GRM5: variants seen among roughly 807,000 people sequenced by gnomAD.
GRM5 encodes glutamate metabotropic receptor 5.
Under a neutral mutation model 83.1 loss-of-function variants are expected in GRM5, and 19 were observed. The observed-to-expected ratio is 0.23, with a 90% CI of 0.16 to 0.34. GRM5 has a LOEUF of 0.34. Among genes scored for constraint, GRM5 ranks in the 10% least tolerant of loss-of-function variants. The pLI, the probability that GRM5 is intolerant of heterozygous loss-of-function variation, is 1.00. For missense variants in GRM5, 1,160 were observed against 1,588.3 expected (o/e 0.73, Z 4.58); for synonymous variants, 675 against 633.6 (o/e 1.07, Z -0.98).
chr11:88,679,561 T>A (rs1338566021), intron 3 of GRM5, among the ~76,000 whole-genome samples: 2 of 152,162 alleles, frequency 1.3e-5, no homozygotes, highest in Admixed American at 1.3e-4. Context: ...TATCAGTCTA[T>A]TTGGATTTTA....
intron 2 of GRM5, among the ~76,000 whole-genome samples, chr11:88,970,327 C>T (rs1363574617): frequency 1.3e-5 from 2 of 152,086 alleles, no homozygotes; most frequent in Non-Finnish European, 2.9e-5. Flanking sequence ...ATCCTATGGC[C>T]CCTGCTTCCC....
chr11:88,962,941 T>C (rs1348012051), intron 2 of GRM5, among the ~76,000 whole-genome samples: 4 of 152,078 alleles, frequency 2.6e-5, no homozygotes, highest in Non-Finnish European at 5.9e-5. Context: ...ATACAAAAAT[T>C]AGCCAGGCAT....
intron 3 of GRM5, among the ~76,000 whole-genome samples, chr11:88,828,140 G>A (rs1420542307): frequency 6.6e-6 from 1 of 152,196 alleles, no homozygotes; most frequent in Non-Finnish European, 1.5e-5. Flanking sequence ...TGTGGCTAAA[G>A]TGAATTGGGA....
At chr11:88,721,530 T>C (rs1026252490) in intron 3 of GRM5, among the ~76,000 whole-genome samples, 5 of 152,124 alleles carry the variant, frequency 3.3e-5, no homozygotes, top group Admixed American at 3.3e-4. Flanking sequence ...TTATCTTTCA[T>C]AAGTGACTTT....
chr11:88,752,889 G>A (rs1942310468), intron 3 of GRM5, among the ~76,000 whole-genome samples: 1 of 152,004 alleles, frequency 6.6e-6, no homozygotes, highest in Non-Finnish European at 1.5e-5. Flanking sequence ...GGTGCTCAAA[G>A]AACAGGTTAG....
At chr11:88,915,023 T>A (rs1437774361) in intron 2 of GRM5, among the ~76,000 whole-genome samples, 1 of 152,196 alleles carries the variant, frequency 6.6e-6, no homozygotes, top group Non-Finnish European at 1.5e-5. Context: ...TTAATGGTTT[T>A]GTTAGTAACT....
intron 3 of GRM5, among the ~76,000 whole-genome samples, chr11:88,820,878 C>T (rs1943777793): frequency 6.6e-6 from 1 of 152,122 alleles, no homozygotes; most frequent in African/African-American, 2.4e-5. Flanking sequence ...CTAAAATTTG[C>T]ATAAGCGAAC....
At chr11:88,526,794 G>A (rs1941889263) in intron 8 of GRM5, among the ~76,000 whole-genome samples, 1 of 151,858 alleles carries the variant, frequency 6.6e-6, no homozygotes, top group South Asian at 2.1e-4. Flanking sequence ...ATTACATCAA[G>A]CAAAATGAAT....
intron 3 of GRM5, among the ~76,000 whole-genome samples, chr11:88,675,607 G>A (rs974786529): frequency 4.6e-5 from 7 of 151,922 alleles, no homozygotes; most frequent in East Asian, 3.9e-4. Context: ...TATAATGTAC[G>A]CATTCAGAGG....
At chr11:88,713,843 G>A (rs1330406058) in intron 3 of GRM5, among the ~76,000 whole-genome samples, 2 of 151,770 alleles carry the variant, frequency 1.3e-5, no homozygotes, top group African/African-American at 4.8e-5. Flanking sequence ...TTATCTCTAG[G>A]AATTTCCCAA....
At chr11:88,725,722 T>G (rs1177148545) in intron 3 of GRM5, among the ~76,000 whole-genome samples, 1 of 152,166 alleles carries the variant, frequency 6.6e-6, no homozygotes, top group Admixed American at 6.5e-5. Flanking sequence ...CTGCAGCCTT[T>G]GCTGGTAATA....
chr11:88,902,191 A>G (rs1196769924), intron 2 of GRM5, among the ~76,000 whole-genome samples: 1 of 150,334 alleles, frequency 6.7e-6, no homozygotes, highest in Non-Finnish European at 1.5e-5. Flanking sequence ...TAATGAGTTT[A>G]TCTTTTGAAC....
intron 9 of GRM5, among the ~76,000 whole-genome samples, chr11:88,523,739 A>G (rs1433605898): frequency 4.6e-5 from 7 of 152,174 alleles, no homozygotes; most frequent in Non-Finnish European, 1.0e-4. Flanking sequence ...TGTATGCTGA[A>G]CAGTTCTGGG....
chr11:89,065,376 G>A (rs1406251740), intron 1 of GRM5, among the ~76,000 whole-genome samples: 6 of 150,280 alleles, frequency 4.0e-5, no homozygotes, highest in Non-Finnish European at 7.4e-5. Context: ...CCTTTGGCTC[G>A]GATCTTTATC....
intron 2 of GRM5, among the ~76,000 whole-genome samples, chr11:88,860,795 T>C (rs1277908362): frequency 1.3e-5 from 2 of 152,188 alleles, no homozygotes; most frequent in Admixed American, 6.6e-5. Flanking sequence ...ATGGCTGCAC[T>C]GTCATTGTTG....
chr11:88,545,800 A>G (rs1942374908), intron 8 of GRM5, among the ~76,000 whole-genome samples: 1 of 152,084 alleles, frequency 6.6e-6, no homozygotes, highest in South Asian at 2.1e-4. Context: ...CAGAAACCAG[A>G]AAGATATCTT....
At chr11:88,954,853 T>C (rs1938560919) in intron 2 of GRM5, among the ~76,000 whole-genome samples, 1 of 152,174 alleles carries the variant, frequency 6.6e-6, no homozygotes, top group Non-Finnish European at 1.5e-5. Context: ...CATGGTACAT[T>C]GTGGAACAGG....
chr11:88,770,434 G>A (rs7107030), intron 3 of GRM5, among the ~76,000 whole-genome samples: 12,527 of 152,050 alleles, frequency 0.082, 923 homozygotes, highest in African/African-American at 0.21. Context: ...GTATGTCAGA[G>A]GAAAGAGAGG....
intron 2 of GRM5, among the ~76,000 whole-genome samples, chr11:88,941,211 A>T (rs1001163370): frequency 1.3e-5 from 2 of 151,818 alleles, no homozygotes; most frequent in African/African-American, 4.8e-5. Flanking sequence ...CAGAAAATAA[A>T]GAAATGCTCA....
Sources: gnomAD v4.1 joint callset for allele counts (sites outside exome capture counted in the v4.1 genomes callset) on GRCh38, gnomAD v4.1.1 for gene constraint, MANE v1.5 for transcripts, NCBI Gene and HGNC (gene_info 2026-07-23, HGNC 2026-07-21) for gene names.